Variants in EHMT1 observed in about 807,000 individuals in gnomAD.
The protein encoded by EHMT1 is euchromatic histone lysine methyltransferase 1.
A neutral mutation model predicts 147.2 loss-of-function variants in EHMT1; 15 were observed. That is an observed-to-expected ratio of 0.10 (90% CI 0.07 to 0.16). The LOEUF (loss-of-function observed/expected upper bound fraction) is 0.16. Among genes scored for constraint, EHMT1 ranks in the 10% least tolerant of loss-of-function variants. EHMT1 has a pLI of 1.00. For synonymous variants in EHMT1, 795 were observed against 709.6 expected (o/e 1.12, Z -1.91); for missense variants, 1,587 against 1,772.4 (o/e 0.90, Z 1.88).
At chr9:137,736,956 A>G (rs1001842726) in intron 4 of EHMT1, among the ~76,000 whole-genome samples, 2 of 152,044 alleles carry the variant, frequency 1.3e-5, no homozygotes, top group African/African-American at 4.8e-5. Context: ...TCATCCATGC[A>G]CTTTGAGAGG....
chr9:137,807,696 C>T (rs998425783), intron 18 of EHMT1, among the ~76,000 whole-genome samples: 8 of 151,892 alleles, frequency 5.3e-5, no homozygotes, highest in Non-Finnish European at 1.2e-4. Context: ...TTAGTAGAGG[C>T]GGGGTTTCAC....
chr9:137,695,416 G>C (rs1214424220), intron 1 of EHMT1, among the ~76,000 whole-genome samples: 4 of 152,206 alleles, frequency 2.6e-5, no homozygotes, highest in Non-Finnish European at 5.9e-5. Flanking sequence ...AAGAAGGTCA[G>C]GACAAAGAGC....
intron 18 of EHMT1, among the ~76,000 whole-genome samples, chr9:137,804,134 G>T (rs1953735459): frequency 6.6e-6 from 1 of 152,174 alleles, no homozygotes; most frequent in African/African-American, 2.4e-5. Context: ...TCACTCACAT[G>T]AGAACAGCAT....
intron 10 of EHMT1, among the ~76,000 whole-genome samples, chr9:137,769,376 G>A (rs1950451178): frequency 6.6e-6 from 1 of 152,018 alleles, no homozygotes; most frequent in South Asian, 2.1e-4. Flanking sequence ...TTATTATATT[G>A]TATCTAAAGA....
chr9:137,628,657 G>A (rs1437666515), intron 1 of EHMT1, among the ~76,000 whole-genome samples: 3 of 152,218 alleles, frequency 2.0e-5, no homozygotes, highest in Admixed American at 2.0e-4. Context: ...GAAAAGGGCT[G>A]CCTGTCTTCG....
intron 16 of EHMT1, among the ~76,000 whole-genome samples, chr9:137,795,621 T>TG (rs1263617192): frequency 1.3e-5 from 2 of 151,658 alleles, no homozygotes; most frequent in Non-Finnish European, 2.9e-5. Context: ...TGGGAGTGGT[T>TG]TTTGTTTGTT....
intron 18 of EHMT1, among the ~76,000 whole-genome samples, chr9:137,808,449 T>C (rs1444453056): frequency 1.3e-5 from 2 of 152,126 alleles, no homozygotes; most frequent in African/African-American, 4.8e-5. Context: ...ACCATGGTCA[T>C]AGGTTTTGAC....
intron 3 of EHMT1, among the ~76,000 whole-genome samples, chr9:137,720,628 TTATAA>T (rs1430817866): frequency 6.6e-6 from 1 of 152,152 alleles, no homozygotes; most frequent in Admixed American, 6.5e-5. Flanking sequence ...ATAAATGGAA[TTATAA>T]TGTATGTAAC....
chr9:137,814,853 TGA>T, intron 22 of EHMT1: 2 of 456,456 alleles, frequency 4.4e-6, no homozygotes, highest in South Asian at 4.2e-5. Context: ...TTGCTGAGTG[TGA>T]GGGGTGTGAA....
intron 10 of EHMT1, among the ~76,000 whole-genome samples, chr9:137,768,347 G>GTTTTT (rs768762232): frequency 3.2e-3 from 293 of 92,512 alleles, no homozygotes; most frequent in Non-Finnish European, 3.6e-3. Context: ...TTTTCTGTGT[G>GTTTTT]TTTTTTTTTT....
At chr9:137,780,801 GGCAT>G (rs1951387574) in intron 14 of EHMT1, among the ~76,000 whole-genome samples, 1 of 95,672 alleles carries the variant, frequency 1.0e-5, no homozygotes, top group Non-Finnish European at 2.0e-5. Flanking sequence ...TGGTGATGAC[GGCAT>G]CTCACTGAGA....
intron 3 of EHMT1, among the ~76,000 whole-genome samples, chr9:137,724,951 C>CATTCCTGTGGCAGGT: frequency 7.0e-6 from 1 of 143,470 alleles, no homozygotes; most frequent in African/African-American, 2.6e-5. Flanking sequence ...GTGGGGCAGG[C>CATTCCTGTGGCAGGT]GTGTGGCATT....
chr9:137,636,873 T>G (rs1189151644), intron 1 of EHMT1, among the ~76,000 whole-genome samples: 3 of 150,538 alleles, frequency 2.0e-5, no homozygotes, highest in Non-Finnish European at 4.4e-5. Flanking sequence ...AAATTTATTA[T>G]TTTTTTTTGA....
intron 1 of EHMT1, chr9:137,641,646 C>T (rs10867037): frequency 0.021 from 4,585 of 219,632 alleles, 93 homozygotes; most frequent in Admixed American, 0.056. Context: ...TGCTGTGCTT[C>T]CTCGTGGGCT....
At chr9:137,658,713 A>G (rs567047330) in intron 1 of EHMT1, among the ~76,000 whole-genome samples, 25 of 152,006 alleles carry the variant, frequency 1.6e-4, no homozygotes, top group African/African-American at 5.5e-4. Flanking sequence ...CCCAGGCTCA[A>G]GCGATTTTCC....
rs916509152 is a variant in EHMT1, at chr9:137,711,339, G to A, written c.85+309G>A. ...ATGTTTATAGCAGCATTGTCACGTCGCCGAAAACCGGAGACACTCCGGTGT... is the reference window on the plus strand; with the variant it reads ...ATGTTTATAGCAGCATTGTCACGTCACCGAAAACCGGAGACACTCCGGTGT... On this transcript the variant is annotated intron_variant, in intron 2 of 26. Transcript: ENST00000460843. Among the ~76,000 whole-genome samples, 7 of 152,120 alleles carry A rather than the reference G, an allele frequency of 4.6e-5. No homozygotes were observed. In the East Asian group the frequency reaches 7.7e-4, roughly 17 times the overall value.
rs375505317 is a variant in EHMT1 at position 137,798,795 on chromosome 9, G to T, written c.2506-18G>T. On this transcript the variant is annotated intron_variant, in intron 16 of 26. Coordinates refer to ENST00000460843, the MANE Select transcript of EHMT1 (RefSeq NM_024757.5). Reference sequence around the variant, plus strand: ...TCACAGGTATGGATTCTTTGACTAAGTGGCATTTCTGTTGCAGGACGCAGA... The same window carrying T: ...TCACAGGTATGGATTCTTTGACTAATTGGCATTTCTGTTGCAGGACGCAGA... The T allele has an allele frequency of 8.1e-6, 13 of 1,607,226 alleles. No individual in the cohort carries two copies. The highest frequency in any genetic ancestry group is 5.0e-5 in the Admixed American group (3 of 60,002).
chr9:137,794,076 C>T (rs1248746946), intron 16 of EHMT1, among the ~76,000 whole-genome samples: 1 of 152,186 alleles, frequency 6.6e-6, no homozygotes, highest in Non-Finnish European at 1.5e-5. Context: ...TTTCCAACAA[C>T]AAAGTGATCA....
rs150520831 is a variant in EHMT1 at position 137,631,986 on chromosome 9, C to T, written c.21+12937C>T. 1.4e-3 allele frequency among the ~76,000 whole-genome samples: 207 copies of T among 150,616 alleles called. 2 individuals carry two copies. The highest frequency in any genetic ancestry group is 1.5e-3 in the East Asian group (8 of 5,182). ...GTGCACTGCCTTTTCTGTGTTCAGA[C>T]GCACATGTGTCATTGTGTTGCACTT... On this transcript the variant is annotated intron_variant, in intron 1 of 26. Coordinates refer to ENST00000460843, the MANE Select transcript of EHMT1 (RefSeq NM_024757.5).
Sources: gnomAD v4.1 joint callset for allele counts (sites outside exome capture counted in the v4.1 genomes callset) on GRCh38, gnomAD v4.1.1 for gene constraint, MANE v1.5 for transcripts, NCBI Gene and HGNC (gene_info 2026-07-23, HGNC 2026-07-21) for gene names.